Variants in NPR3 observed in about 807,000 individuals in gnomAD.
NPR3 encodes atrial natriuretic peptide receptor 3.
In NPR3, 34 loss-of-function variants were observed where a neutral mutation model predicts 54.5. That is an observed-to-expected ratio of 0.62 (90% CI 0.47 to 0.83). NPR3 has a LOEUF of 0.83. NPR3 is among the 40% of genes least tolerant of loss of function. NPR3 has a pLI of 0.00. For missense variants in NPR3, 674 were observed against 720.8 expected, an observed-to-expected ratio of 0.94 and a Z score of 0.74; for synonymous variants, 289 against 297.1, an observed-to-expected ratio of 0.97 and a Z score of 0.28.
At chr5:32,760,455 G>C (rs1316380221) in intron 3 of NPR3, among the ~76,000 whole-genome samples, 1 of 152,114 alleles carries the variant, frequency 6.6e-6, no homozygotes, top group African/African-American at 2.4e-5. Flanking sequence ...GTGGTTTTGA[G>C]CTACTTTTCA....
intron 3 of NPR3, among the ~76,000 whole-genome samples, chr5:32,757,726 T>C (rs1243591298): frequency 6.6e-6 from 1 of 152,226 alleles, no homozygotes; most frequent in Non-Finnish European, 1.5e-5. Flanking sequence ...AGTATGATAT[T>C]GGCTGTGGGT....
chr5:32,719,710 C>G (rs1281070831), intron 1 of NPR3, among the ~76,000 whole-genome samples: 1 of 150,026 alleles, frequency 6.7e-6, no homozygotes, highest in Non-Finnish European at 1.5e-5. Context: ...TTCTAGGTTT[C>G]TTTCTTATTT....
intron 3 of NPR3, among the ~76,000 whole-genome samples, chr5:32,742,963 C>T (rs996058216): frequency 1.3e-5 from 2 of 152,066 alleles, no homozygotes; most frequent in Non-Finnish European, 2.9e-5. Context: ...ATCGTATTAC[C>T]ATGTTGTCAG....
At chr5:32,715,089 C>G (rs1470308570) in intron 1 of NPR3, among the ~76,000 whole-genome samples, 1 of 152,146 alleles carries the variant, frequency 6.6e-6, no homozygotes, top group Admixed American at 6.5e-5. Flanking sequence ...CACCTTTACC[C>G]CAAGGGTGAG....
At chr5:32,699,253 G>A (rs896799060) in intron 1 of NPR3, among the ~76,000 whole-genome samples, 3 of 152,100 alleles carry the variant, frequency 2.0e-5, no homozygotes, top group Admixed American at 6.5e-5. Flanking sequence ...CAAGCAAAAA[G>A]CAAATGAACA....
intron 3 of NPR3, among the ~76,000 whole-genome samples, chr5:32,770,773 A>G (rs1322158263): frequency 6.6e-6 from 1 of 152,214 alleles, no homozygotes; most frequent in African/African-American, 2.4e-5. Context: ...GGCTGCATGT[A>G]GGAACTTAAT....
intron 2 of NPR3, among the ~76,000 whole-genome samples, chr5:32,729,026 T>G (rs796278981): frequency 1.1e-3 from 110 of 95,998 alleles, no homozygotes; most frequent in Middle Eastern, 0.011. Flanking sequence ...TTTTTTTTTT[T>G]TTTGTTTTGT....
intron 3 of NPR3, among the ~76,000 whole-genome samples, chr5:32,762,038 TG>T (rs577733691): frequency 9.9e-4 from 150 of 152,228 alleles, no homozygotes; most frequent in African/African-American, 3.4e-3. Context: ...TGAGAACATG[TG>T]GTGTTTGGTT....
At chr5:32,781,074 T>C (rs1273238875) in intron 5 of NPR3, among the ~76,000 whole-genome samples, 1 of 151,886 alleles carries the variant, frequency 6.6e-6, no homozygotes, top group Non-Finnish European at 1.5e-5. Context: ...TCGGGTAAAA[T>C]CAGTAAAGTG....
intron 3 of NPR3, among the ~76,000 whole-genome samples, chr5:32,743,516 A>T (rs1271005144): frequency 6.6e-6 from 1 of 152,228 alleles, no homozygotes; most frequent in East Asian, 1.9e-4. Flanking sequence ...ATTCTGTTAT[A>T]AAGTTGTGAT....
At chr5:32,770,305 C>T (rs974130894) in intron 3 of NPR3, among the ~76,000 whole-genome samples, 1 of 152,000 alleles carries the variant, frequency 6.6e-6, no homozygotes, top group African/African-American at 2.4e-5. Context: ...TGGTGCACAC[C>T]TGTAATCCCA....
At chr5:32,708,297 AAAT>A (rs1738051574), upstream of NPR3, among the ~76,000 whole-genome samples, 5 of 152,266 alleles carry the variant, frequency 3.3e-5, no homozygotes, top group South Asian at 1.0e-3. Flanking sequence ...GAATTGAAAG[AAAT>A]AATATTTAAA....
chr5:32,758,566 T>A (rs951770298), intron 3 of NPR3, among the ~76,000 whole-genome samples: 1 of 145,854 alleles, frequency 6.9e-6, no homozygotes, highest in Non-Finnish European at 1.5e-5. Flanking sequence ...CCTGGATGCA[T>A]TGATTTTTTT....
At chr5:32,744,981 ATT>A (rs1740221588) in intron 3 of NPR3, among the ~76,000 whole-genome samples, 1 of 152,128 alleles carries the variant, frequency 6.6e-6, no homozygotes, top group South Asian at 2.1e-4. Flanking sequence ...TATGGTTATT[ATT>A]TTTGTTATTA....
At chr5:32,748,289 A>T (rs1437220165) in intron 3 of NPR3, among the ~76,000 whole-genome samples, 2 of 152,120 alleles carry the variant, frequency 1.3e-5, no homozygotes, top group Non-Finnish European at 2.9e-5. Context: ...TGTTGATTGT[A>T]TCAGTAAGGA....
At chr5:32,785,305 A>G (rs1742561357) in intron 7 of NPR3, among the ~76,000 whole-genome samples, 1 of 152,024 alleles carries the variant, frequency 6.6e-6, no homozygotes, top group Non-Finnish European at 1.5e-5. Flanking sequence ...GCAGACCACC[A>G]TGGCTGGCTA....
At chr5:32,737,990 C>T (rs1739837706) in intron 2 of NPR3, among the ~76,000 whole-genome samples, 1 of 152,036 alleles carries the variant, frequency 6.6e-6, no homozygotes, top group South Asian at 2.1e-4. Context: ...ACCACTAATG[C>T]ACTAATGGAC....
Position 32,712,559 on chromosome 5 carries a change from C to G in NPR3, c.769+14C>G. ...CCAGTGAGAGAGGTGAGCAGGGGCG[C>G]GTCCCGGGCCCCGGGCCCTAACCCA... On this transcript the variant is annotated intron_variant, in intron 1 of 7. Transcript: ENST00000265074. 1 of 1,503,530 alleles carries G rather than the reference C, an allele frequency of 6.7e-7. No individual in the cohort carries two copies. The highest frequency in any genetic ancestry group is 8.8e-7 in the Non-Finnish European group (1 of 1,131,718). The allele number at this position is 1,503,530 out of a possible 1,614,324, so 93.1% of individuals were successfully genotyped here.
chr5:32,785,270 C>T (rs1417027878), intron 7 of NPR3, among the ~76,000 whole-genome samples: 1 of 151,708 alleles, frequency 6.6e-6, no homozygotes, highest in Non-Finnish European at 1.5e-5. Context: ...CTGCCTCAGC[C>T]TCACGAGGAG....
Sources: allele counts gnomAD v4.1 joint callset (sites outside exome capture counted in the v4.1 genomes callset), GRCh38; gene constraint gnomAD v4.1.1; transcripts MANE v1.5; gene names NCBI Gene and HGNC (gene_info 2026-07-23, HGNC 2026-07-21).